The following SLC9A7 variants were observed in gnomAD, a reference collection of about 807,000 sequenced individuals.
SLC9A7 encodes solute carrier family 9 member A7.
In SLC9A7, 19 loss-of-function variants were observed where a neutral mutation model predicts 52.6. That is an observed-to-expected ratio of 0.36 (90% CI 0.25 to 0.53). SLC9A7 has a LOEUF of 0.53. Among genes scored for constraint, SLC9A7 ranks in the 20% least tolerant of loss-of-function variants. SLC9A7 has a pLI of 0.91. For missense variants in SLC9A7, 455 were observed against 597.9 expected (o/e 0.76, Z 2.49); for synonymous variants, 226 against 252.1 (o/e 0.90, Z 0.98).
chrX:46,677,063 C>G lies in SLC9A7; in HGVS notation c.603+2615G>C, dbSNP rs759319378. ...CACACAGCCTCCGTTCCTCAAGCAC[C>G]TATTATGCAGACAGAACTTATGTTC... is the stretch of plus-strand genomic sequence containing the variant. On this transcript the variant is annotated intron_variant, in intron 3 of 16. Transcript: ENST00000616978. Among the ~76,000 whole-genome samples, 212 of 112,007 alleles carry G rather than the reference C, an allele frequency of 1.9e-3. 2 individuals carry two copies. The highest frequency in any genetic ancestry group is 6.7e-3 in the African/African-American group (207 of 30,853).
intron 1 of SLC9A7, among the ~76,000 whole-genome samples, chrX:46,748,364 A>AAAGGAAGG (rs57555325): frequency 0.1 from 5,170 of 51,178 alleles, 405 homozygotes; most frequent in African/African-American, 0.18. Flanking sequence ...AAAAAGAAAG[A>AAAGGAAGG]AAGGAAGGAA....
At chrX:46,736,106 C>T (rs993429825) in intron 1 of SLC9A7, among the ~76,000 whole-genome samples, 1 of 111,753 alleles carries the variant, frequency 8.9e-6, no homozygotes, top group Non-Finnish European at 1.9e-5. Context: ...TCTCTCTCTT[C>T]CTCCCAAGAT....
intron 1 of SLC9A7, among the ~76,000 whole-genome samples, chrX:46,744,381 A>G (rs1602299964): frequency 1.8e-5 from 2 of 112,653 alleles, no homozygotes; most frequent in African/African-American, 6.4e-5. Context: ...AACAATGGAT[A>G]TTGGGAGGTA....
chrX:46,612,380 C>A (rs1942865799), intron 16 of SLC9A7, among the ~76,000 whole-genome samples: 1 of 111,688 alleles, frequency 9.0e-6, no homozygotes, highest in African/African-American at 3.3e-5. Flanking sequence ...GCCCTGTACC[C>A]TGCAACCCAC....
intron 3 of SLC9A7, 87 bp downstream of exon 3, chrX:46,679,591 G>T: frequency 4.3e-6 from 3 of 704,446 alleles, no homozygotes; most frequent in Non-Finnish European, 6.5e-6. Context: ...TAAGCAATCT[G>T]GGAGAAGAAA....
At chrX:46,647,871 T>C in intron 11 of SLC9A7, among the ~76,000 whole-genome samples, 1 of 112,861 alleles carries the variant, frequency 8.9e-6, no homozygotes, top group Non-Finnish European at 1.9e-5. Context: ...ATTCTCTGTC[T>C]TAAAGGACAG....
rs371727694 is a variant in SLC9A7, at chrX:46,607,058, G to A, written c.2075C>T (p.Thr692Met). Residue 692 changes from threonine (T) to methionine (M), a missense_variant, in exon 17 of 17, where the codon ACG becomes ATG. Coordinates refer to ENST00000616978, the MANE Select transcript of SLC9A7 (RefSeq NM_001257291.2). ...ASTSLEGSRRTKSSSEEVLER... is the reference protein window; with the variant it reads ...ASTSLEGSRRMKSSSEEVLER... ...CAGCACTTCCTCCGAGCTGCTCTTC[G>A]TTCTCCGGCTGCCCTCCAGACTCGT... The A allele has an allele frequency of 6.4e-5, 77 of 1,209,565 alleles. No individual in the cohort carries two copies. Among genetic ancestry groups the A allele is most frequent in the Admixed American group, 3.9e-4 (18 of 45,708 alleles).
chrX:46,645,781 C>G (rs1383540913), intron 11 of SLC9A7, among the ~76,000 whole-genome samples: 1 of 111,083 alleles, frequency 9.0e-6, no homozygotes, highest in Non-Finnish European at 1.9e-5. Context: ...TGGACGTGAT[C>G]AAGAGGCACT....
At chrX:46,608,636 C>A (rs1184656301) in intron 16 of SLC9A7, among the ~76,000 whole-genome samples, 1 of 111,726 alleles carries the variant, frequency 9.0e-6, no homozygotes, top group Admixed American at 9.5e-5. Context: ...TTTACAGTAG[C>A]CTTCTTTCTT....
At chrX:46,739,591 T>C (rs778182537) in intron 1 of SLC9A7, among the ~76,000 whole-genome samples, 5 of 111,182 alleles carry the variant, frequency 4.5e-5, no homozygotes, top group Non-Finnish European at 9.4e-5. Context: ...CTGGTAATAC[T>C]ACCTTCTCCC....
At chrX:46,667,153 AG>A (rs1418827144) in intron 5 of SLC9A7, among the ~76,000 whole-genome samples, 1 of 111,503 alleles carries the variant, frequency 9.0e-6, no homozygotes, top group East Asian at 2.8e-4. Flanking sequence ...TCTTCACAAT[AG>A]CCTTAGGAGA....
intron 1 of SLC9A7, among the ~76,000 whole-genome samples, chrX:46,710,082 T>C (rs1222660622): frequency 8.9e-6 from 1 of 112,485 alleles, no homozygotes; most frequent in African/African-American, 3.2e-5. Flanking sequence ...TGTATTATCT[T>C]GTCCAACAAC....
chrX:46,758,960 G>C lies in SLC9A7; in HGVS notation c.70C>G (p.Leu24Val). 2 of 1,060,151 alleles carry C rather than the reference G, an allele frequency of 1.9e-6. No individual in the cohort carries two copies. Among genetic ancestry groups the C allele is most frequent in the Admixed American group, 4.1e-5 (1 of 24,142 alleles). The allele number at this position is 1,060,151 out of a possible 1,213,427, so 87.4% of individuals were successfully genotyped here. Residue 24 changes from leucine to valine, a missense_variant, in exon 1 of 17, where the codon CTG becomes GTG. Transcript: ENST00000616978. ...CCCCAACCCAGCAGCAGCGGCAGCA[G>C]CAGCAGCCGCGGCGGCGGCGCCCCG... ...ATGAPPPRLL[L>V]LPLLLGWGLR...
chrX:46,613,376 G>A lies in SLC9A7; in HGVS notation c.1842C>T (p.Leu614=). ...TGGTTAGTGGGGGACCACTGTGTGT[G>A]AGGATGGGCTTCAGGTAACTTTAAA... ...SFDHNYLKPI[L]THSGPPLTTT... Residue 614 remains leucine, a synonymous_variant, in exon 16 of 17, where the codon CTC becomes CTT. Coordinates refer to ENST00000616978, the MANE Select transcript of SLC9A7 (RefSeq NM_001257291.2). 1 of 1,196,792 alleles carries A rather than the reference G, an allele frequency of 8.4e-7. No homozygotes were observed. Among genetic ancestry groups the A allele is most frequent in the Non-Finnish European group, 1.1e-6 (1 of 886,239 alleles).
chrX:46,729,994 A>G (rs1439576572), intron 1 of SLC9A7, among the ~76,000 whole-genome samples: 2 of 111,721 alleles, frequency 1.8e-5, no homozygotes, highest in Non-Finnish European at 3.8e-5. Context: ...TTTAGCTAAA[A>G]TAGTTATTCA....
At chrX:46,706,891 C>T (rs746756408) in intron 1 of SLC9A7, among the ~76,000 whole-genome samples, 5 of 111,590 alleles carry the variant, frequency 4.5e-5, no homozygotes, top group African/African-American at 9.8e-5. Context: ...CAGGCACACA[C>T]GACCACACCT....
intron 1 of SLC9A7, among the ~76,000 whole-genome samples, chrX:46,737,105 C>T (rs1569525101): frequency 9.0e-6 from 1 of 111,445 alleles, no homozygotes; most frequent in African/African-American, 3.3e-5. Context: ...AGTAGTCTCA[C>T]TTTCTGTTAC....
At chrX:46,706,404 C>A (rs1438436388) in intron 1 of SLC9A7, among the ~76,000 whole-genome samples, 1 of 108,007 alleles carries the variant, frequency 9.3e-6, no homozygotes, top group Non-Finnish European at 1.9e-5. Flanking sequence ...GTAATGGGTA[C>A]ATGGGATTTG....
At chrX:46,679,333 C>T (rs974522031) in intron 3 of SLC9A7, among the ~76,000 whole-genome samples, 3 of 112,501 alleles carry the variant, frequency 2.7e-5, no homozygotes, top group Admixed American at 9.4e-5. Flanking sequence ...TTGGTATGAA[C>T]GATCATGTGT....
Sources: allele counts gnomAD v4.1 joint callset (sites outside exome capture counted in the v4.1 genomes callset), GRCh38; gene constraint gnomAD v4.1.1; transcripts MANE v1.5; gene names NCBI Gene and HGNC (gene_info 2026-07-23, HGNC 2026-07-21).